The following CRYBG3 variants were observed in gnomAD, a reference collection of about 807,000 sequenced individuals.
CRYBG3 encodes crystallin beta-gamma domain containing 3, also known as very large A-kinase anchor protein.
A neutral mutation model predicts 244.2 loss-of-function variants in CRYBG3; 127 were observed. The observed-to-expected ratio is 0.52, with a 90% CI of 0.45 to 0.60. The LOEUF is 0.60. Among genes scored for constraint, CRYBG3 ranks in the 20% least tolerant of loss-of-function variants. CRYBG3 has a pLI of 0.00. For synonymous variants in CRYBG3, 1,132 were observed against 1,195.8 expected, an observed-to-expected ratio of 0.95 and a Z score of 1.10; for missense variants, 3,325 against 3,442.5, an observed-to-expected ratio of 0.97 and a Z score of 0.85.
At chr3:97,835,576 G>A (rs927081068) in intron 1 of CRYBG3, among the ~76,000 whole-genome samples, 2 of 152,090 alleles carry the variant, frequency 1.3e-5, no homozygotes, top group Non-Finnish European at 2.9e-5. Context: ...GTAAGGAGTT[G>A]AAATGAAATG....
At chr3:97,884,560 A>G (rs1189381941) in intron 7 of CRYBG3, among the ~76,000 whole-genome samples, 1 of 152,182 alleles carries the variant, frequency 6.6e-6, no homozygotes, top group Admixed American at 6.5e-5. Flanking sequence ...TGAAAAGTGT[A>G]GCAGGACTAC....
intron 17 of CRYBG3, among the ~76,000 whole-genome samples, chr3:97,922,893 G>A (rs1342297678): frequency 6.6e-6 from 1 of 151,254 alleles, no homozygotes; most frequent in East Asian, 1.9e-4. Flanking sequence ...GCACACATAT[G>A]TTTATTGTGG....
In CRYBG3 at chr3:97,872,045, T is replaced by TA. The variant is rs2039310625; in HGVS notation, c.852dup (p.Ser285IlefsTer3). On this transcript the variant is annotated frameshift_variant, in exon 4 of 22. Coordinates refer to ENST00000389622, the MANE Select transcript of CRYBG3 (RefSeq NM_153605.4). LOFTEE classifies it high-confidence loss of function. The stretch of plus-strand genomic sequence containing the variant: ...GAGGCTGGGGTACTGCCACTGTTGT[T>TA]ATCAGCTAGTACAGACTCATCTATG... 5.9e-6 allele frequency: 9 copies of TA among 1,535,782 alleles called. No homozygotes were observed. Among genetic ancestry groups the TA allele is most frequent in the Non-Finnish European group, 7.0e-6 (8 of 1,146,706 alleles).
At chr3:97,911,797 T>G (rs2039875857) in intron 15 of CRYBG3, among the ~76,000 whole-genome samples, 1 of 152,208 alleles carries the variant, frequency 6.6e-6, no homozygotes, top group Admixed American at 6.5e-5. Flanking sequence ...GCTTCTTATT[T>G]TATACATCTA....
chr3:97,912,412 A>G (rs2039883551), intron 16 of CRYBG3, 136 bp downstream of exon 16: 3 of 452,436 alleles, frequency 6.6e-6, no homozygotes, highest in East Asian at 3.5e-5. Context: ...TAACTGGTCT[A>G]TATTAATTTT....
chr3:97,836,438 T>C (rs1042232416), intron 1 of CRYBG3, among the ~76,000 whole-genome samples: 1 of 152,152 alleles, frequency 6.6e-6, no homozygotes, highest in African/African-American at 2.4e-5. Context: ...CATTTGTGAA[T>C]GGACAGTTTT....
intron 2 of CRYBG3, among the ~76,000 whole-genome samples, chr3:97,846,547 T>C (rs2038904870): frequency 6.6e-6 from 1 of 152,200 alleles, no homozygotes; most frequent in Admixed American, 6.5e-5. Flanking sequence ...TTCAGTTTTT[T>C]TGTTTTTATT....
At chr3:97,887,736 A>T (rs2039526028) in intron 8 of CRYBG3, among the ~76,000 whole-genome samples, 1 of 152,190 alleles carries the variant, frequency 6.6e-6, no homozygotes, top group Admixed American at 6.5e-5. Flanking sequence ...AGCCTGGGCA[A>T]CAAGAGCAAA....
chr3:97,908,175 T>G (rs2039801072), intron 15 of CRYBG3, among the ~76,000 whole-genome samples: 1 of 152,294 alleles, frequency 6.6e-6, no homozygotes, highest in Middle Eastern at 3.4e-3. Context: ...AAGTATGTGG[T>G]CAATTTTGGA....
intron 17 of CRYBG3, among the ~76,000 whole-genome samples, chr3:97,930,187 A>C (rs1250793554): frequency 1.3e-5 from 2 of 152,060 alleles, no homozygotes; most frequent in African/African-American, 2.4e-5. Flanking sequence ...CTCTTACCCC[A>C]GCCAGCTCTT....
At position 97,886,583 on chromosome 3, in the gene CRYBG3, C is replaced by T; in HGVS notation, c.7153-48C>T. The T allele has an allele frequency of 1.3e-6, 2 of 1,521,632 alleles. 1 individual carries two copies. Among genetic ancestry groups the T allele is most frequent in the South Asian group, 2.6e-5 (2 of 77,304 alleles). 94.3% of individuals were successfully genotyped at this position (1,521,632 alleles called of 1,614,324 possible). A position where few individuals can be genotyped will look rare whatever the true frequency, so the allele number is the denominator to read the frequency against. On this transcript the variant is annotated intron_variant, in intron 7 of 21. Transcript: ENST00000389622. The stretch of plus-strand genomic sequence containing the variant: ...TGTCCAGGACATTGAGAAGACTGGA[C>T]TGTGTGACTCTAGTTGATTTCAAAG...
intron 1 of CRYBG3, among the ~76,000 whole-genome samples, chr3:97,830,409 A>G (rs1251489081): frequency 6.6e-6 from 1 of 151,760 alleles, no homozygotes; most frequent in Non-Finnish European, 1.5e-5. Context: ...TGCTGTATTG[A>G]TCTCTCTACT....
At position 97,872,538 on chromosome 3, in the gene CRYBG3, T is replaced by C; in HGVS notation, c.1344T>C (p.Thr448=). ...GTAAATCTGATGGGAGTGACACTAC[T>C]GAGCAGGAAAGTACAAATTTGCCAA... ...SCSKSDGSDT[T]EQESTNLPSP... The change falls in exon 4 of 22, where the codon ACT becomes ACC. Residue 448 remains threonine (T), a synonymous_variant. Coordinates refer to ENST00000389622, the MANE Select transcript of CRYBG3 (RefSeq NM_153605.4). The C allele has an allele frequency of 1.3e-6, 2 of 1,535,958 alleles. No individual in the cohort carries two copies. The highest frequency in any genetic ancestry group is 2.4e-5 in the South Asian group (2 of 84,054).
intron 3 of CRYBG3, among the ~76,000 whole-genome samples, chr3:97,871,472 G>A (rs1490688264): frequency 2.0e-5 from 3 of 152,228 alleles, no homozygotes; most frequent in Middle Eastern, 6.8e-3. Context: ...CCCTAAACTC[G>A]TAGTAATATG....
At chr3:97,889,063 T>C (rs1049399634) in intron 9 of CRYBG3, among the ~76,000 whole-genome samples, 1 of 152,342 alleles carries the variant, frequency 6.6e-6, no homozygotes, top group African/African-American at 2.4e-5. Context: ...TAATTGGTCA[T>C]GTGTACTCAA....
intron 3 of CRYBG3, among the ~76,000 whole-genome samples, chr3:97,869,018 A>G (rs1200512502): frequency 1.3e-5 from 2 of 151,734 alleles, no homozygotes; most frequent in South Asian, 2.1e-4. Context: ...AAAAAAAAAA[A>G]CCTGTCATTT....
intron 1 of CRYBG3, among the ~76,000 whole-genome samples, chr3:97,838,496 T>C (rs974464824): frequency 6.6e-6 from 1 of 152,124 alleles, no homozygotes; most frequent in African/African-American, 2.4e-5. Context: ...CCCGTTCCAA[T>C]TGGATTCCTT....
rs923402987 is a variant in CRYBG3 at position 97,872,773 on chromosome 3, A to G, written c.1579A>G (p.Ile527Val). ...DSQKNVAVRE[I>V]RRETESASAG... ...ACAGAAAAATGTGGCTGTTAGAGAA[A>G]TCAGGCGAGAAACAGAAAGTGCCTC... Residue 527 changes from isoleucine to valine, a missense_variant, in exon 4 of 22, where the codon ATC (isoleucine) becomes GTC (valine). Physicochemically the swap from Ile to Val is conservative, Grantham distance 29 (BLOSUM62 3). This residue lies in a region of CRYBG3 where 1,526 missense variants were observed against 1,443.2 expected (regional missense o/e 1.06). Coordinates refer to ENST00000389622, the MANE Select transcript of CRYBG3 (RefSeq NM_153605.4). The G allele has an allele frequency of 2.0e-6, 3 of 1,535,938 alleles. No homozygotes were observed. Among genetic ancestry groups the G allele is most frequent in the South Asian group, 1.2e-5 (1 of 84,056 alleles).
At chr3:97,848,484 G>T (rs1285575269) in intron 2 of CRYBG3, among the ~76,000 whole-genome samples, 1 of 151,948 alleles carries the variant, frequency 6.6e-6, no homozygotes, top group Non-Finnish European at 1.5e-5. Flanking sequence ...TGTATTTTTA[G>T]TAGAGACAAG....
Sources: gnomAD v4.1 joint callset for allele counts (sites outside exome capture counted in the v4.1 genomes callset) on GRCh38, gnomAD v4.1.1 for gene constraint, gnomAD v4.1.1 regional missense constraint, MANE v1.5 for transcripts, NCBI Gene and HGNC (gene_info 2026-07-23, HGNC 2026-07-21) for gene names.